NFIA: variants seen among roughly 807,000 people sequenced by gnomAD.
NFIA encodes nuclear factor 1 A-type.
A neutral mutation model predicts 62.8 loss-of-function variants in NFIA; 8 were observed. The ratio of observed to expected loss-of-function variants is 0.13; its 90% CI spans 0.07 to 0.23. NFIA has a LOEUF of 0.23. Ranked by LOEUF, NFIA falls within the 10% of genes least tolerant of loss-of-function variation. NFIA has a pLI of 1.00. For synonymous variants in NFIA, 235 were observed against 238.1 expected (o/e 0.99, Z 0.12); for missense variants, 410 against 642.1 (o/e 0.64, Z 3.91).
intron 3 of NFIA, among the ~76,000 whole-genome samples, chr1:61,305,111 G>C (rs1407216460): frequency 6.6e-6 from 1 of 152,174 alleles, no homozygotes; most frequent in Non-Finnish European, 1.5e-5. Flanking sequence ...GAAAACGGTG[G>C]AAATGCGGTG....
Position 61,236,621 on chromosome 1 carries a change from AT to A in NFIA, c.560-40887del, listed in dbSNP as rs952417646. ...ATGTTTTTAACAGGTACTAAACAGG[AT>A]TTTTTTTTTTTCAAGAAAGGACTTC... On this transcript the variant is annotated intron_variant, in intron 2 of 10. Transcript: ENST00000403491. 1.6e-3 allele frequency among the ~76,000 whole-genome samples: 227 copies of A among 145,476 alleles called. 1 individual carries two copies. Among genetic ancestry groups the A allele is most frequent in the African/African-American group, 3.3e-3 (131 of 39,842 alleles).
At chr1:61,192,811 T>C (rs2100577680) in intron 2 of NFIA, among the ~76,000 whole-genome samples, 1 of 152,228 alleles carries the variant, frequency 6.6e-6, no homozygotes, top group South Asian at 2.1e-4. Context: ...TGGGAGGTGG[T>C]TTGGGAAGTA....
rs186312151 is a variant in NFIA, at chr1:61,242,379, A to C, written c.560-35141A>C. On this transcript the variant is annotated intron_variant, in intron 2 of 10. Transcript: ENST00000403491. ...TGTGCTTGGATTCCAAGGTAGATAG[A>C]AGAAGCTGAGGAAATGGTAATAAGG... is the stretch of plus-strand genomic sequence containing the variant. Among the ~76,000 whole-genome samples the C allele has an allele frequency of 2.3e-3, 350 of 152,268 alleles. 3 individuals carry two copies. Among genetic ancestry groups the C allele is most frequent in the Non-Finnish European group, 4.2e-3 (283 of 68,004 alleles).
At chr1:61,454,476 TA>T (rs1223192078) in intron 10 of NFIA, among the ~76,000 whole-genome samples, 5 of 152,186 alleles carry the variant, frequency 3.3e-5, no homozygotes, top group African/African-American at 1.2e-4. Context: ...CAGAAGGCTC[TA>T]AATAAATGCT....
intron 10 of NFIA, among the ~76,000 whole-genome samples, chr1:61,450,190 G>A (rs79574044): frequency 0.095 from 14,429 of 152,260 alleles, 748 homozygotes; most frequent in African/African-American, 0.12. Flanking sequence ...CCCAGAGCCA[G>A]CATACATAGC....
At chr1:61,126,462 A>ACACACACACACTCT (rs1553153076) in intron 2 of NFIA, among the ~76,000 whole-genome samples, 65 of 145,930 alleles carry the variant, frequency 4.5e-4, no homozygotes, top group Admixed American at 1.5e-3. Context: ...ACACACACAC[A>ACACACACACACTCT]CACACACACA....
chr1:61,287,658 C>G lies in NFIA; in HGVS notation c.625+10073C>G, dbSNP rs75761324. 3.3e-4 allele frequency among the ~76,000 whole-genome samples: 50 copies of G among 151,574 alleles called. No individual in the cohort carries two copies. The East Asian group carries it at 8.2e-3, about 25-fold the overall frequency. ...GTGACAGAGCAAGACTGTCCCCAACCCCCCCCAAAAAAAACAAGATGCCAA... is the reference window on the plus strand; with the variant it reads ...GTGACAGAGCAAGACTGTCCCCAACGCCCCCCAAAAAAAACAAGATGCCAA... On this transcript the variant is annotated intron_variant, in intron 3 of 10. Transcript: ENST00000403491.
intron 4 of NFIA, among the ~76,000 whole-genome samples, chr1:61,344,996 C>T (rs1200740868): frequency 6.6e-6 from 1 of 152,180 alleles, no homozygotes; most frequent in Non-Finnish European, 1.5e-5. Flanking sequence ...AAAATAACCC[C>T]TTTCTTCCAG....
chr1:61,105,708 A>C (rs1646583840), intron 2 of NFIA, among the ~76,000 whole-genome samples: 1 of 151,906 alleles, frequency 6.6e-6, no homozygotes, highest in Admixed American at 6.6e-5. Context: ...TTTTCTGATT[A>C]TGTTTTTGTA....
intron 2 of NFIA, among the ~76,000 whole-genome samples, chr1:61,189,509 C>T (rs1651458591): frequency 6.6e-6 from 1 of 151,878 alleles, no homozygotes; most frequent in Non-Finnish European, 1.5e-5. Context: ...TACTAAAATA[C>T]AAAAAATTAG....
rs58761896 is a variant in NFIA at position 61,456,374 on chromosome 1, T to TAAAAA, written c.*1062_*1066dup. On this transcript the variant is annotated 3_prime_UTR_variant, in exon 11 of 11. Coordinates refer to ENST00000403491, the MANE Select transcript of NFIA (RefSeq NM_001134673.4). ...TATCCCTTTAAAAACTGAAGGAAAT[T>TAAAAA]AAAAAAAAAAAACAAAAAAACAAAT... is the stretch of plus-strand genomic sequence containing the variant. 6.8e-6 allele frequency: 1 copy of TAAAAA among 146,386 alleles called. No individual in the cohort carries two copies. The allele number at this position is 146,386 out of a possible 1,614,324, so 9.1% of individuals were successfully genotyped here.
At chr1:61,189,936 T>G (rs549661152) in intron 2 of NFIA, among the ~76,000 whole-genome samples, 1 of 152,310 alleles carries the variant, frequency 6.6e-6, no homozygotes, top group Non-Finnish European at 1.5e-5. Context: ...ATTTACAGTC[T>G]TAGGATAAGG....
intron 2 of NFIA, among the ~76,000 whole-genome samples, chr1:61,195,591 A>C (rs1651935816): frequency 6.6e-6 from 1 of 152,190 alleles, no homozygotes; most frequent in Admixed American, 6.5e-5. Context: ...CATCCATTTT[A>C]TCTGCATTTA....
At chr1:61,329,584 G>A (rs1040700606) in intron 3 of NFIA, among the ~76,000 whole-genome samples, 1 of 151,712 alleles carries the variant, frequency 6.6e-6, no homozygotes, top group Non-Finnish European at 1.5e-5. Context: ...GTTTCACTAT[G>A]TTGGCCAAGC....
intron 2 of NFIA, chr1:61,125,342 C>T (rs536980053): frequency 2.6e-5 from 4 of 152,166 alleles, no homozygotes; most frequent in Non-Finnish European, 5.9e-5. Flanking sequence ...GCTTTTGTCC[C>T]GATTAGTAGT....
At chr1:61,314,087 C>A (rs936158624) in intron 3 of NFIA, among the ~76,000 whole-genome samples, 5 of 152,156 alleles carry the variant, frequency 3.3e-5, no homozygotes, top group Admixed American at 6.5e-5. Flanking sequence ...GTTATTCTTA[C>A]AACCACAAAA....
chr1:61,359,862 A>C (rs1186559249), intron 6 of NFIA, among the ~76,000 whole-genome samples: 1 of 152,062 alleles, frequency 6.6e-6, no homozygotes, highest in Non-Finnish European at 1.5e-5. Context: ...CAAACTCCTG[A>C]CCTTGTGATT....
At chr1:61,194,441 A>G (rs1651857600) in intron 2 of NFIA, among the ~76,000 whole-genome samples, 1 of 152,102 alleles carries the variant, frequency 6.6e-6, no homozygotes, top group Non-Finnish European at 1.5e-5. Flanking sequence ...TTTGCCTTGT[A>G]TTTTGTTCAT....
intron 2 of NFIA, among the ~76,000 whole-genome samples, chr1:61,165,411 T>C (rs1336280053): frequency 6.6e-6 from 1 of 152,218 alleles, no homozygotes; most frequent in Admixed American, 6.5e-5. Flanking sequence ...AAAAGTATAT[T>C]CTATATGCAT....
Sources: allele counts gnomAD v4.1 joint callset (sites outside exome capture counted in the v4.1 genomes callset), GRCh38; gene constraint gnomAD v4.1.1; transcripts MANE v1.5; gene names NCBI Gene and HGNC (gene_info 2026-07-23, HGNC 2026-07-21).